ABCD3: variants seen among roughly 807,000 people sequenced by gnomAD.
ABCD3 encodes ATP binding cassette subfamily D member 3.
In ABCD3, 41 loss-of-function variants were observed where a neutral mutation model predicts 105.5. That is an observed-to-expected ratio of 0.39 (90% CI 0.30 to 0.50). ABCD3 has a LOEUF of 0.50. Ranked by LOEUF, ABCD3 falls within the 20% of genes least tolerant of loss-of-function variation. The pLI, the probability that ABCD3 is intolerant of heterozygous loss-of-function variation, is 0.84. For missense variants in ABCD3, 622 were observed against 806.3 expected (o/e 0.77, Z 2.77); for synonymous variants, 258 against 269.0 (o/e 0.96, Z 0.40).
chr1:94,457,726 G>A (rs769571612), intron 1 of ABCD3, among the ~76,000 whole-genome samples: 1 of 152,154 alleles, frequency 6.6e-6, no homozygotes, highest in African/African-American at 2.4e-5. Flanking sequence ...CTGATGGACA[G>A]TGCTTGCTTT....
At chr1:94,452,728 T>TG (rs1444213525) in intron 1 of ABCD3, among the ~76,000 whole-genome samples, 3 of 152,018 alleles carry the variant, frequency 2.0e-5, no homozygotes, top group Admixed American at 6.6e-5. Flanking sequence ...TTTTGTTTTT[T>TG]TTTGTTTGTT....
At chr1:94,390,810 C>T in the ABCD3 span, among the ~76,000 whole-genome samples, 1 of 152,164 alleles carries the variant, frequency 6.6e-6, no homozygotes, top group Non-Finnish European at 1.5e-5. Flanking sequence ...ATTCAGAAAC[C>T]AGAGAAATAG....
the ABCD3 span, among the ~76,000 whole-genome samples, chr1:94,399,824 TA>T: frequency 6.6e-6 from 1 of 152,200 alleles, no homozygotes; most frequent in Non-Finnish European, 1.5e-5. Flanking sequence ...TCCATCCAGA[TA>T]ATATTTACTT....
intron 21 of ABCD3, 101 bp from the exon 22 acceptor site, chr1:94,515,045 T>G: frequency 3.3e-6 from 3 of 913,890 alleles, no homozygotes; most frequent in Middle Eastern, 2.2e-4. Flanking sequence ...CTTTTTAACT[T>G]TAGTCACTGA....
chr1:94,498,583 ATT>A lies in ABCD3; in HGVS notation c.1387-5_1387-4del, dbSNP rs4148066. 1,095 of 1,429,048 alleles carry A rather than the reference ATT, an allele frequency of 7.7e-4. No homozygotes were observed. The highest frequency in any genetic ancestry group is 3.0e-3 in the African/African-American group (205 of 69,062). The allele number at this position is 1,429,048 out of a possible 1,614,324, so 88.5% of individuals were successfully genotyped here. A position where few individuals can be genotyped will look rare whatever the true frequency, so the allele number is the denominator to read the frequency against. ...TTTGATTTAATTACTTCACAGACTG[ATT>A]TTTTTTTTTTTTTCAGGTTCGATCT... On this transcript the variant is annotated splice_polypyrimidine_tract_variant and intron_variant, in intron 16 of 22. Coordinates refer to ENST00000370214, the MANE Select transcript of ABCD3 (RefSeq NM_002858.4).
chr1:94,494,403 ATC>A (rs558299951), intron 16 of ABCD3, among the ~76,000 whole-genome samples: 1 of 152,132 alleles, frequency 6.6e-6, no homozygotes, highest in South Asian at 2.1e-4. Flanking sequence ...ATGAATTCTA[ATC>A]TCTTTCTGAC....
intron 1 of ABCD3, among the ~76,000 whole-genome samples, chr1:94,432,154 T>C (rs779886282): frequency 6.6e-6 from 1 of 152,222 alleles, no homozygotes; most frequent in African/African-American, 2.4e-5. Flanking sequence ...GAGCGCTATA[T>C]GTCAATAGGC....
the ABCD3 span, among the ~76,000 whole-genome samples, chr1:94,404,466 T>C: frequency 1.5e-4 from 23 of 152,194 alleles, no homozygotes; most frequent in Non-Finnish European, 3.2e-4. Flanking sequence ...GGTATTAATA[T>C]GAAATAAAAT....
At chr1:94,472,398 C>T (rs916400422) in intron 4 of ABCD3, among the ~76,000 whole-genome samples, 1 of 149,104 alleles carries the variant, frequency 6.7e-6, no homozygotes. Flanking sequence ...CTGTAATATT[C>T]TTATTGCTAT....
chr1:94,418,282 C>T (rs1659100444), upstream of ABCD3, among the ~76,000 whole-genome samples: 1 of 152,160 alleles, frequency 6.6e-6, no homozygotes, highest in Non-Finnish European at 1.5e-5. Flanking sequence ...GGCTGCCGAG[C>T]GCGCTCCCGC....
intron 1 of ABCD3, among the ~76,000 whole-genome samples, chr1:94,435,441 A>C (rs1659865184): frequency 6.6e-6 from 1 of 152,096 alleles, no homozygotes; most frequent in African/African-American, 2.4e-5. Flanking sequence ...CTGAGGTGGG[A>C]GGATCACTTC....
chr1:94,487,477 C>T, intron 10 of ABCD3, 65 bp from the exon 11 acceptor site: 3 of 1,398,686 alleles, frequency 2.1e-6, no homozygotes, highest in Non-Finnish European at 2.0e-6. Flanking sequence ...TTTGTTTTAT[C>T]CTTATAGTAG....
the ABCD3 span, among the ~76,000 whole-genome samples, chr1:94,393,303 G>A: frequency 6.6e-6 from 1 of 151,810 alleles, no homozygotes; most frequent in African/African-American, 2.4e-5. Context: ...AGGAGAAAGG[G>A]GGAAGAGAGA....
chr1:94,498,871 T>A, intron 18 of ABCD3, 23 bp downstream of exon 18: 1 of 1,612,556 alleles, frequency 6.2e-7, no homozygotes, highest in Non-Finnish European at 8.5e-7. Flanking sequence ...TTGAGTTATC[T>A]TTGATCTAAA....
At chr1:94,404,712 G>A in the ABCD3 span, among the ~76,000 whole-genome samples, 8 of 151,330 alleles carry the variant, frequency 5.3e-5, no homozygotes, top group African/African-American at 9.7e-5. Flanking sequence ...ATTACTTTTC[G>A]CAAAGTTAAA....
chr1:94,470,243 C>CT (rs1205002599), intron 4 of ABCD3, among the ~76,000 whole-genome samples: 1 of 152,198 alleles, frequency 6.6e-6, no homozygotes, highest in Non-Finnish European at 1.5e-5. Flanking sequence ...TTGGAATTCA[C>CT]TTTTCTTCAG....
chr1:94,433,194 G>T (rs1293454654), intron 1 of ABCD3, among the ~76,000 whole-genome samples: 2 of 140,928 alleles, frequency 1.4e-5, no homozygotes, highest in African/African-American at 5.4e-5. Context: ...CGCTCTTGTT[G>T]CCCAGTGTGG....
At chr1:94,475,034 A>C in intron 5 of ABCD3, 109 bp from the exon 6 acceptor site, 1 of 747,046 alleles carries the variant, frequency 1.3e-6, no homozygotes, top group South Asian at 1.7e-5. Flanking sequence ...TTTGGACTAA[A>C]TTATAAAAAT....
intron 16 of ABCD3, 148 bp from the exon 17 acceptor site, chr1:94,498,454 A>T: frequency 1.3e-6 from 1 of 799,082 alleles, no homozygotes; most frequent in Non-Finnish European, 2.0e-6. Context: ...ATACCTCTTC[A>T]CTGCTCTACC....
Sources: allele counts gnomAD v4.1 joint callset (sites outside exome capture counted in the v4.1 genomes callset), GRCh38; gene constraint gnomAD v4.1.1; transcripts MANE v1.5; gene names NCBI Gene and HGNC (gene_info 2026-07-23, HGNC 2026-07-21).